Variants in RABEP1 observed in about 807,000 individuals in gnomAD.
The protein encoded by RABEP1 is rabaptin, RAB GTPase binding effector protein 1.
RABEP1 carries 51 observed loss-of-function variants against 123.4 expected under a neutral mutation model. The observed-to-expected ratio is 0.41, with a 90% confidence interval of 0.33 to 0.52. RABEP1 has a LOEUF of 0.52. Among genes scored for constraint, RABEP1 ranks in the 20% least tolerant of loss-of-function variants. The pLI is 0.16. For synonymous variants in RABEP1, 347 were observed against 355.2 expected, an observed-to-expected ratio of 0.98 and a Z score of 0.26; for missense variants, 888 against 996.3, an observed-to-expected ratio of 0.89 and a Z score of 1.46.
At chr17:5,332,711 C>T (rs113942586) in intron 3 of RABEP1, among the ~76,000 whole-genome samples, 17,937 of 149,650 alleles carry the variant, frequency 0.12, 1,409 homozygotes, top group African/African-American at 0.22. Flanking sequence ...CGGGCTCAAG[C>T]GATTCTCCTG....
intron 4 of RABEP1, among the ~76,000 whole-genome samples, chr17:5,337,269 A>G (rs1319029639): frequency 6.6e-6 from 1 of 152,218 alleles, no homozygotes; most frequent in East Asian, 1.9e-4. Context: ...TTATAGCAAC[A>G]TAATTTTCTA....
intron 2 of RABEP1, among the ~76,000 whole-genome samples, chr17:5,310,417 T>C (rs2075226833): frequency 6.7e-6 from 1 of 149,702 alleles, no homozygotes; most frequent in South Asian, 2.2e-4. Context: ...CATATTCAAG[T>C]GATTCTCCTG....
At chr17:5,349,303 T>C (rs1385892952) in intron 6 of RABEP1, among the ~76,000 whole-genome samples, 1 of 152,226 alleles carries the variant, frequency 6.6e-6, no homozygotes, top group African/African-American at 2.4e-5. Context: ...TGTAGTTGTT[T>C]AAGTCATAAG....
intron 5 of RABEP1, among the ~76,000 whole-genome samples, chr17:5,340,072 A>G (rs940888843): frequency 2.0e-5 from 3 of 152,240 alleles, no homozygotes; most frequent in African/African-American, 7.2e-5. Flanking sequence ...CAAATATAGT[A>G]GCAGATTAAA....
intron 3 of RABEP1, among the ~76,000 whole-genome samples, chr17:5,333,219 GCGGCACCATCTCGGTTCAGTGCAA>G (rs1238803414): frequency 6.6e-6 from 1 of 152,046 alleles, no homozygotes; most frequent in East Asian, 1.9e-4. Context: ...CTGGAGTGCA[GCGGCACCATCTCGGTTCAGTGCAA>G]CCTCCGCCTT....
intron 5 of RABEP1, among the ~76,000 whole-genome samples, chr17:5,338,471 G>A (rs1907296100): frequency 6.6e-6 from 1 of 152,236 alleles, no homozygotes. Flanking sequence ...GGGAGGCTGA[G>A]GCAGGAGAAT....
chr17:5,317,994 G>A (rs986095903), intron 2 of RABEP1, among the ~76,000 whole-genome samples: 1 of 152,190 alleles, frequency 6.6e-6, no homozygotes, highest in Non-Finnish European at 1.5e-5. Context: ...AGAGGGCGTA[G>A]AAGCTCCATG....
At chr17:5,361,875 C>G (rs565567615) in intron 9 of RABEP1, 200 bp downstream of exon 9, 10 of 558,870 alleles carry the variant, frequency 1.8e-5, no homozygotes, top group South Asian at 1.6e-4. Flanking sequence ...GAGAAAGGAG[C>G]TAGCTAGTTA....
At chr17:5,347,108 C>T (rs1248749966) in intron 6 of RABEP1, among the ~76,000 whole-genome samples, 183 bp downstream of exon 6, 1 of 152,090 alleles carries the variant, frequency 6.6e-6, no homozygotes, top group Non-Finnish European at 1.5e-5. Context: ...TTCGTGAGCT[C>T]AGTAATAACT....
chr17:5,336,388 A>C, intron 4 of RABEP1: 2 of 440,214 alleles, frequency 4.5e-6, no homozygotes, highest in Non-Finnish European at 8.9e-6. Flanking sequence ...CATTTGTCAC[A>C]GCTAATAAGC....
chr17:5,364,016 A>G (rs78600451), intron 10 of RABEP1, among the ~76,000 whole-genome samples: 1 of 152,250 alleles, frequency 6.6e-6, no homozygotes, highest in East Asian at 1.9e-4. Flanking sequence ...AGCCTTCAAA[A>G]TAACTTCAAG....
chr17:5,287,617 A>C (rs1050252779), intron 1 of RABEP1, among the ~76,000 whole-genome samples: 10 of 150,812 alleles, frequency 6.6e-5, no homozygotes, highest in East Asian at 5.8e-4. Flanking sequence ...AAAAAAAAAA[A>C]AAAAAACCCA....
At chr17:5,290,511 A>T (rs1237961903) in intron 1 of RABEP1, among the ~76,000 whole-genome samples, 3 of 152,206 alleles carry the variant, frequency 2.0e-5, no homozygotes, top group Non-Finnish European at 4.4e-5. Context: ...TTGCGTTTAT[A>T]AGCTTAAGAG....
intron 5 of RABEP1, among the ~76,000 whole-genome samples, chr17:5,346,519 C>T (rs117430670): frequency 2.6e-5 from 4 of 152,216 alleles, no homozygotes; most frequent in East Asian, 1.9e-4. Context: ...AAATTGGAGC[C>T]GCCTTTTTGA....
At chr17:5,302,391 C>A (rs2075143500) in intron 1 of RABEP1, among the ~76,000 whole-genome samples, 1 of 151,696 alleles carries the variant, frequency 6.6e-6, no homozygotes, top group Non-Finnish European at 1.5e-5. Context: ...CAGGCGTCCG[C>A]CACCATGCCC....
chr17:5,324,456 A>G (rs1905766178), intron 2 of RABEP1, among the ~76,000 whole-genome samples: 2 of 152,230 alleles, frequency 1.3e-5, no homozygotes, highest in Admixed American at 6.5e-5. Context: ...AAAGACTTAA[A>G]TCTAAGACCT....
chr17:5,282,452 G>A lies in RABEP1; in HGVS notation c.-35G>A. On this transcript the variant is annotated 5_prime_UTR_variant, in exon 1 of 18. Transcript: ENST00000537505. ...CGGGAGCCCAGGACGCCGCTTCCCC[G>A]CCCATCCCCGCTCCCCGAGGCCGGC... 1 of 1,344,196 alleles carries A rather than the reference G, an allele frequency of 7.4e-7. No homozygotes were observed. Among genetic ancestry groups the A allele is most frequent in the Non-Finnish European group, 9.6e-7 (1 of 1,037,260 alleles). The allele number at this position is 1,344,196 out of a possible 1,614,324, so 83.3% of individuals were successfully genotyped here. A position where few individuals can be genotyped will look rare whatever the true frequency, so the allele number is the denominator to read the frequency against.
chr17:5,373,843 C>T (rs1414171780), intron 13 of RABEP1, among the ~76,000 whole-genome samples: 1 of 152,172 alleles, frequency 6.6e-6, no homozygotes, highest in Middle Eastern at 3.2e-3. Context: ...CTATTCTGGA[C>T]TTTCCTATGA....
chr17:5,287,950 G>A (rs1033810162), intron 1 of RABEP1, among the ~76,000 whole-genome samples: 4 of 152,046 alleles, frequency 2.6e-5, no homozygotes, highest in Non-Finnish European at 5.9e-5. Context: ...TGGCAGTGGA[G>A]TAATAGGGAG....
Sources: allele counts gnomAD v4.1 joint callset (sites outside exome capture counted in the v4.1 genomes callset), GRCh38; gene constraint gnomAD v4.1.1; transcripts MANE v1.5; gene names NCBI Gene and HGNC (gene_info 2026-07-23, HGNC 2026-07-21).